Variants in MCTP1 observed in about 807,000 individuals in gnomAD.
MCTP1 encodes multiple C2 and transmembrane domain-containing protein 1.
A neutral mutation model predicts 120.6 loss-of-function variants in MCTP1; 69 were observed. That is an observed-to-expected ratio of 0.57 (90% CI 0.47 to 0.70). MCTP1 has a LOEUF of 0.70. Among genes scored for constraint, MCTP1 ranks in the 30% least tolerant of loss-of-function variants. The probability of loss-of-function intolerance (pLI) is 0.00; values close to 1 mark genes in which losing one functional copy is unlikely to be tolerated. For synonymous variants in MCTP1, 529 were observed against 493.1 expected, an observed-to-expected ratio of 1.07 and a Z score of -0.96; for missense variants, 1,203 against 1,248.8, an observed-to-expected ratio of 0.96 and a Z score of 0.55.
At position 95,051,869 on chromosome 5, in the gene MCTP1, C is replaced by T. The variant is rs1746014836; in HGVS notation, c.721-34385G>A. On this transcript the variant is annotated intron_variant, in intron 1 of 22. Transcript: ENST00000515393. Reference sequence around the variant, plus strand: ...AGGACACAAAGAAGGCAACAACAGACACCAGGACCTACTTAAGGTGGAGGG... The same window carrying T: ...AGGACACAAAGAAGGCAACAACAGATACCAGGACCTACTTAAGGTGGAGGG... Among the ~76,000 whole-genome samples, 5 of 152,122 alleles carry T rather than the reference C, an allele frequency of 3.3e-5. No homozygotes were observed. In the South Asian group the frequency reaches 1.0e-3, roughly 32 times the overall value.
rs567780317 is a variant in MCTP1 at position 95,070,111 on chromosome 5, C to T, written c.721-52627G>A. 4.6e-5 allele frequency among the ~76,000 whole-genome samples: 7 copies of T among 152,284 alleles called. No individual in the cohort carries two copies. The South Asian group carries it at 1.2e-3, about 27-fold the overall frequency. On this transcript the variant is annotated intron_variant, in intron 1 of 22. Coordinates refer to ENST00000515393, the MANE Select transcript of MCTP1 (RefSeq NM_024717.7). ...TTTGTGGTGGAGTCTGGAATTTTCCCGCCCTTGTCAAGGCACTCTGTTGTG... is the reference window on the plus strand; with the variant it reads ...TTTGTGGTGGAGTCTGGAATTTTCCTGCCCTTGTCAAGGCACTCTGTTGTG...
chr5:95,133,347 A>G (rs533693537), intron 1 of MCTP1, among the ~76,000 whole-genome samples: 1 of 152,356 alleles, frequency 6.6e-6, no homozygotes, highest in South Asian at 2.1e-4. Flanking sequence ...GAGATTAGCA[A>G]TAACTAATAA....
intron 2 of MCTP1, among the ~76,000 whole-genome samples, chr5:94,994,864 C>T (rs1832303072): frequency 6.6e-6 from 1 of 152,156 alleles, no homozygotes; most frequent in Non-Finnish European, 1.5e-5. Context: ...ACATCTTTCT[C>T]CCATGCTGGA....
At chr5:95,196,589 T>C (rs571795086) in intron 1 of MCTP1, among the ~76,000 whole-genome samples, 1 of 152,320 alleles carries the variant, frequency 6.6e-6, no homozygotes, top group Admixed American at 6.5e-5. Flanking sequence ...AGAGTCGATA[T>C]AATCCATAAC....
At chr5:94,964,500 A>G (rs1825126164) in intron 2 of MCTP1, among the ~76,000 whole-genome samples, 1 of 152,166 alleles carries the variant, frequency 6.6e-6, no homozygotes, top group Non-Finnish European at 1.5e-5. Context: ...CTTCAGATCT[A>G]TTAATATTTG....
In MCTP1 at chr5:95,284,132, A is replaced by G; in HGVS notation, c.444T>C (p.Pro148=). ...AASGAAGGTP[P]GGRSPDSAPS... ...GAGCTGAGTCGGGGGAGCGTCCGCC[A>G]GGAGGCGTCCCTCCCGCTGCTCCCG... Residue 148 remains proline, a synonymous_variant, in exon 1 of 23, where the codon CCT becomes CCC. Transcript: ENST00000515393. The surrounding 1 kb of genome is among the most constrained non-coding windows in gnomAD (Gnocchi z 5.2). The G allele has an allele frequency of 3.2e-6, 5 of 1,553,260 alleles. No homozygotes were observed. The South Asian group carries it at 5.9e-5, about 18-fold the overall frequency.
chr5:95,090,109 C>A (rs1433107635), intron 1 of MCTP1, among the ~76,000 whole-genome samples: 1 of 152,134 alleles, frequency 6.6e-6, no homozygotes, highest in African/African-American at 2.4e-5. Context: ...ATGTCTGAGG[C>A]AATATTGCAT....
chr5:95,023,065 T>C (rs1401451592), intron 1 of MCTP1, among the ~76,000 whole-genome samples: 1 of 151,890 alleles, frequency 6.6e-6, no homozygotes, highest in East Asian at 1.9e-4. Context: ...ATCACTAGAT[T>C]GTATGAGAAA....
At chr5:95,229,592 C>A (rs1251768703) in intron 1 of MCTP1, among the ~76,000 whole-genome samples, 3 of 152,018 alleles carry the variant, frequency 2.0e-5, no homozygotes, top group South Asian at 4.2e-4. Context: ...ACTAAAAATA[C>A]ACCACAGGTG....
At chr5:94,976,925 G>A (rs571787980) in intron 2 of MCTP1, 1 of 152,256 alleles carries the variant, frequency 6.6e-6, no homozygotes, top group Non-Finnish European at 1.5e-5. Flanking sequence ...GGAACACGAT[G>A]CCCACTCTCA....
At chr5:94,856,124 C>T (rs153848) in intron 17 of MCTP1, among the ~76,000 whole-genome samples, 133,785 of 151,748 alleles carry the variant, frequency 0.88, 59,369 homozygotes, top group African/African-American at 0.97. Flanking sequence ...TATACACTAA[C>T]ACTATGACAT....
rs1561916586 is a variant in MCTP1 at position 94,953,872 on chromosome 5, AATATATATGCATATATATACAAAT to A, written c.839-535_839-512del. Among the ~76,000 whole-genome samples the A allele has an allele frequency of 5.7e-5, 5 of 88,142 alleles. 1 individual carries two copies. Among genetic ancestry groups the A allele is most frequent in the African/African-American group, 2.0e-4 (5 of 25,498 alleles). The allele number at this position is 88,142 out of a possible 152,430, so 57.8% of individuals were successfully genotyped here. On this transcript the variant is annotated intron_variant, in intron 2 of 22. Coordinates refer to ENST00000515393, the MANE Select transcript of MCTP1 (RefSeq NM_024717.7). ...AACTATATATATGCATATATATACAAATATATATGCATATATATACAAATATATATATGCATATATATACAAATA... is the reference window on the plus strand; with the variant it reads ...AACTATATATATGCATATATATACAAATATATATGCATATATATACAAATA...
intron 2 of MCTP1, among the ~76,000 whole-genome samples, chr5:95,015,101 C>T (rs1002688651): frequency 1.3e-5 from 2 of 152,000 alleles, no homozygotes; most frequent in East Asian, 1.9e-4. Flanking sequence ...TAATGCTATT[C>T]ACACTTAATA....
chr5:94,873,018 G>T (rs1411324519), intron 13 of MCTP1, 121 bp downstream of exon 13: 2 of 671,044 alleles, frequency 3.0e-6, no homozygotes, highest in Middle Eastern at 3.0e-4. Flanking sequence ...GCAAAGGCAG[G>T]CCAGATGCAT....
chr5:94,754,491 C>A (rs1769265343), intron 19 of MCTP1, among the ~76,000 whole-genome samples: 1 of 152,190 alleles, frequency 6.6e-6, no homozygotes, highest in African/African-American at 2.4e-5. Flanking sequence ...GGCAGAAGAA[C>A]CACATGGTAG....
intron 2 of MCTP1, among the ~76,000 whole-genome samples, chr5:94,968,951 T>C (rs1024302366): frequency 6.6e-6 from 1 of 152,240 alleles, no homozygotes; most frequent in Non-Finnish European, 1.5e-5. Context: ...ATTAATGTCA[T>C]ATTCAAGAAC....
chr5:95,133,373 A>G (rs1164200311), intron 1 of MCTP1, among the ~76,000 whole-genome samples: 1 of 152,238 alleles, frequency 6.6e-6, no homozygotes, highest in African/African-American at 2.4e-5. Flanking sequence ...TGGAGCTATA[A>G]CAATATACTG....
intron 10 of MCTP1, among the ~76,000 whole-genome samples, chr5:94,908,596 GT>G (rs1201063231): frequency 6.6e-6 from 1 of 151,842 alleles, no homozygotes; most frequent in Non-Finnish European, 1.5e-5. Context: ...GTTTCAATGT[GT>G]TTTGCTACAA....
At chr5:95,022,477 C>G (rs1838385684) in intron 1 of MCTP1, among the ~76,000 whole-genome samples, 1 of 152,144 alleles carries the variant, frequency 6.6e-6, no homozygotes, top group South Asian at 2.1e-4. Context: ...CATTCTATCT[C>G]AAATGTCATA....
Sources: gnomAD v4.1 joint callset for allele counts (sites outside exome capture counted in the v4.1 genomes callset) on GRCh38, gnomAD v4.1.1 for gene constraint, Gnocchi (gnomAD v3.1) non-coding constraint, MANE v1.5 for transcripts, NCBI Gene and HGNC (gene_info 2026-07-23, HGNC 2026-07-21) for gene names.